The following LXN variants were observed in gnomAD, a reference collection of about 807,000 sequenced individuals.
LXN encodes MUM.
In LXN, 28 loss-of-function variants were observed where a neutral mutation model predicts 29.8. The observed-to-expected ratio is 0.94, with a 90% confidence interval of 0.70 to 1.29. LXN has a LOEUF of 1.29. LXN is among the 50% of genes most tolerant of loss of function. The probability of loss-of-function intolerance (pLI) is 0.00; values close to 1 mark genes in which losing one functional copy is unlikely to be tolerated. For missense variants in LXN, 227 were observed against 261.7 expected, an observed-to-expected ratio of 0.87 and a Z score of 0.92; for synonymous variants, 77 against 89.6, an observed-to-expected ratio of 0.86 and a Z score of 0.80.
chr3:158,666,968 T>C (rs1057446374), intron 5 of LXN, 44 bp downstream of exon 5: 5 of 1,570,544 alleles, frequency 3.2e-6, no homozygotes, highest in Non-Finnish European at 3.4e-6. Flanking sequence ...ACAAGGAGTC[T>C]CAGTTTTCAG....
At chr3:158,667,944 C>T (rs1723872255) in intron 4 of LXN, among the ~76,000 whole-genome samples, 1 of 152,146 alleles carries the variant, frequency 6.6e-6, no homozygotes, top group Non-Finnish European at 1.5e-5. Context: ...GTAATTTGAA[C>T]ACAAAACTTA....
intron 2 of LXN, among the ~76,000 whole-genome samples, chr3:158,670,237 T>G (rs989821874): frequency 3.9e-5 from 6 of 152,226 alleles, no homozygotes; most frequent in African/African-American, 9.6e-5. Context: ...TGTATAATCT[T>G]TAAAATTTCC....
rs866535647 is a variant in LXN, at chr3:158,672,589, C to G, written c.-111G>C. The stretch of plus-strand genomic sequence containing the variant: ...GGTCCGGTTGCCGAGGCGGAAAAGT[C>G]GCAAGCTCCTTCAGTCAGTCTTCTT... On this transcript the variant is annotated 5_prime_UTR_variant, in exon 1 of 6. Coordinates refer to ENST00000264265, the MANE Select transcript of LXN (RefSeq NM_020169.4). The G allele has an allele frequency of 1.1e-4, 147 of 1,347,060 alleles. No homozygotes were observed. Among genetic ancestry groups the G allele is most frequent in the Middle Eastern group, 9.1e-4 (4 of 4,390 alleles). The allele number at this position is 1,347,060 out of a possible 1,614,324, so 83.4% of individuals were successfully genotyped here. A position where few individuals can be genotyped will look rare whatever the true frequency, so the allele number is the denominator to read the frequency against.
Position 158,670,943 on chromosome 3 carries a change from G to T in LXN, c.192+14C>A, listed in dbSNP as rs201856097. On this transcript the variant is annotated intron_variant, in intron 2 of 5. Coordinates refer to ENST00000264265, the MANE Select transcript of LXN (RefSeq NM_020169.4). ...GTGAGACCCTGTCTCAAAGAAAAAA[G>T]AAATTTAACTTACTTTTTGTATAAT... The T allele has an allele frequency of 7.9e-4, 1,207 of 1,532,050 alleles. 1 individual carries two copies. Among genetic ancestry groups the T allele is most frequent in the Non-Finnish European group, 1.0e-3 (1,139 of 1,140,772 alleles). 94.9% of individuals were successfully genotyped at this position (1,532,050 alleles called of 1,614,324 possible).
chr3:158,668,998 C>G lies in LXN; in HGVS notation c.505G>C (p.Val169Leu). 1 of 1,609,394 alleles carries G rather than the reference C, an allele frequency of 6.2e-7. No individual in the cohort carries two copies. The highest frequency in any genetic ancestry group is 8.5e-7 in the Non-Finnish European group (1 of 1,177,724). Reference sequence around the variant, plus strand: ...TGTATTTTATAGAAACTACTTACCACTTGCTTGACAGTTTGAATTTTTACC... The same window carrying G: ...TGTATTTTATAGAAACTACTTACCAGTTGCTTGACAGTTTGAATTTTTACC... Reference protein sequence around the residue: ...KMVKIQTVKQVQRNDDFIELD... With the variant: ...KMVKIQTVKQLQRNDDFIELD... Residue 169 changes from valine (V) to leucine (L), a missense_variant and splice_region_variant, in exon 4 of 6, where the codon GTG becomes CTG. Val to Leu is a conservative substitution (Grantham distance 32, BLOSUM62 1). Transcript: ENST00000264265.
rs745605020 is a variant in LXN, at chr3:158,666,556, T to C, written c.*90A>G. 1.6e-6 allele frequency: 2 copies of C among 1,249,192 alleles called. No individual in the cohort carries two copies. Among genetic ancestry groups the C allele is most frequent in the South Asian group, 2.4e-5 (2 of 81,772 alleles). 77.4% of individuals were successfully genotyped at this position (1,249,192 alleles called of 1,614,324 possible). On this transcript the variant is annotated 3_prime_UTR_variant, in exon 6 of 6. Coordinates refer to ENST00000264265, the MANE Select transcript of LXN (RefSeq NM_020169.4). Reference sequence around the variant, plus strand: ...AAGACATTTATATAAAGTGACACTTTGGGATTATTTGGCCTCATAAGCTAG... The same window carrying C: ...AAGACATTTATATAAAGTGACACTTCGGGATTATTTGGCCTCATAAGCTAG...
chr3:158,668,995 C>A lies in LXN; in HGVS notation c.507+1G>T, dbSNP rs768523167. 2.5e-6 allele frequency: 4 copies of A among 1,607,318 alleles called. No individual in the cohort carries two copies. In the South Asian group the frequency reaches 3.3e-5, roughly 13 times the overall value. On this transcript the variant is annotated splice_donor_variant, in intron 4 of 5. Transcript: ENST00000264265. LOFTEE classifies it high-confidence loss of function. Reference sequence around the variant, plus strand: ...TAGTGTATTTTATAGAAACTACTTACCACTTGCTTGACAGTTTGAATTTTT... The same window carrying A: ...TAGTGTATTTTATAGAAACTACTTAACACTTGCTTGACAGTTTGAATTTTT...
intron 4 of LXN, among the ~76,000 whole-genome samples, chr3:158,668,339 A>G (rs939381791): frequency 3.9e-5 from 6 of 152,192 alleles, no homozygotes; most frequent in Non-Finnish European, 8.8e-5. Flanking sequence ...TCATGACGAG[A>G]AAAAAATCTG....
intron 2 of LXN, among the ~76,000 whole-genome samples, chr3:158,669,961 T>C (rs1724117731): frequency 6.6e-6 from 1 of 152,244 alleles, no homozygotes; most frequent in South Asian, 2.1e-4. Flanking sequence ...TTTAAAGTTT[T>C]TCCATTACTC....
chr3:158,669,511 T>C lies in LXN; in HGVS notation c.292A>G (p.Asn98Asp). Reference sequence around the variant, plus strand: ...AATGTGTTGTCTTCTTCATCTGGATTCTTTCCAGTTTCTCCTTCAAATGTG... The same window carrying C: ...AATGTGTTGTCTTCTTCATCTGGATCCTTTCCAGTTTCTCCTTCAAATGTG... The part of the protein sequence containing the change: ...NFTFEGETGK[N>D]PDEEDNTFYQ... Residue 98 changes from asparagine to aspartate, a missense_variant, in exon 3 of 6, where the codon AAT becomes GAT. Asn to Asp is a conservative substitution (Grantham distance 23). Coordinates refer to ENST00000264265, the MANE Select transcript of LXN (RefSeq NM_020169.4). 1 of 1,613,988 alleles carries C rather than the reference T, an allele frequency of 6.2e-7. No homozygotes were observed. Among genetic ancestry groups the C allele is most frequent in the Non-Finnish European group, 8.5e-7 (1 of 1,179,888 alleles).
chr3:158,669,349 G>T, intron 3 of LXN, 84 bp downstream of exon 3: 1 of 1,362,580 alleles, frequency 7.3e-7, no homozygotes. Context: ...AACATACTTA[G>T]CAACTAACAA....
chr3:158,666,459 T>A lies in LXN; in HGVS notation c.*187A>T. 1 of 1,300,904 alleles carries A rather than the reference T, an allele frequency of 7.7e-7. No individual in the cohort carries two copies. The highest frequency in any genetic ancestry group is 1.1e-6 in the Non-Finnish European group (1 of 897,382). The allele number at this position is 1,300,904 out of a possible 1,614,324, so 80.6% of individuals were successfully genotyped here. On this transcript the variant is annotated 3_prime_UTR_variant, in exon 6 of 6. Coordinates refer to ENST00000264265, the MANE Select transcript of LXN (RefSeq NM_020169.4). ...TTTATTTTGGATATACATACCACTA[T>A]TACTGTTTTAAAGACATTTTTATGT...
In LXN at chr3:158,666,769, A is replaced by G. The variant is rs752579879; in HGVS notation, c.571-25T>C. ...CCTGCAAGTGAAGAAAATTAATGCC[A>G]TGATAAAATTCAGAAAACATTTAGG... On this transcript the variant is annotated intron_variant, in intron 5 of 5. Coordinates refer to ENST00000264265, the MANE Select transcript of LXN (RefSeq NM_020169.4). 1.4e-5 allele frequency: 22 copies of G among 1,589,914 alleles called. No individual in the cohort carries two copies. The Admixed American group carries it at 2.0e-4, about 15-fold the overall frequency.
chr3:158,671,157 A>G, intron 1 of LXN, 138 bp from the exon 2 acceptor site: 5 of 1,190,592 alleles, frequency 4.2e-6, no homozygotes, highest in Non-Finnish European at 4.3e-6. Flanking sequence ...TGAAAAAGGC[A>G]TGTCACCATG....
Position 158,672,495 on chromosome 3 carries a change from C to T in LXN, c.-17G>A. 1.2e-6 allele frequency: 2 copies of T among 1,613,548 alleles called. No homozygotes were observed. The highest frequency in any genetic ancestry group is 1.3e-5 in the African/African-American group (1 of 75,046). ...GATTTCCATTCCGGATGAGCAGTGA[C>T]TTCAGGGCTTGGGCTACTCTGGCTT... On this transcript the variant is annotated 5_prime_UTR_variant, in exon 1 of 6. Transcript: ENST00000264265.
At position 158,671,033 on chromosome 3, in the gene LXN, A is replaced by C. The variant is rs1428017032; in HGVS notation, c.130-14T>G. 1 of 1,512,122 alleles carries C rather than the reference A, an allele frequency of 6.6e-7. No homozygotes were observed. Among genetic ancestry groups the C allele is most frequent in the South Asian group, 1.3e-5 (1 of 77,028 alleles). The allele number at this position is 1,512,122 out of a possible 1,614,324, so 93.7% of individuals were successfully genotyped here. ...TCCTGGAATATCCTAAAATTAAGAA[A>C]ATGTAGTGGAGACAAGAAAATATTA... On this transcript the variant is annotated splice_polypyrimidine_tract_variant and intron_variant, in intron 1 of 5. Coordinates refer to ENST00000264265, the MANE Select transcript of LXN (RefSeq NM_020169.4).
At chr3:158,668,947 T>C (rs2108060737) in intron 4 of LXN, 49 bp downstream of exon 4, 2 of 1,463,336 alleles carry the variant, frequency 1.4e-6, no homozygotes, top group East Asian at 4.6e-5. Flanking sequence ...TACAATACTT[T>C]CGATAAATAT....
intron 3 of LXN, 109 bp from the exon 4 acceptor site, chr3:158,669,241 ATAAT>A: frequency 5.4e-6 from 7 of 1,294,824 alleles, no homozygotes; most frequent in South Asian, 1.4e-5. Flanking sequence ...TGTGCAAAAA[ATAAT>A]TTAATTAAGC....
intron 2 of LXN, among the ~76,000 whole-genome samples, chr3:158,670,409 A>C (rs1207805988): frequency 6.6e-6 from 1 of 152,096 alleles, no homozygotes; most frequent in African/African-American, 2.4e-5. Context: ...AAATTACTTC[A>C]CTCATTTATA....
Sources: allele counts gnomAD v4.1 joint callset (sites outside exome capture counted in the v4.1 genomes callset), GRCh38; gene constraint gnomAD v4.1.1; transcripts MANE v1.5; gene names NCBI Gene and HGNC (gene_info 2026-07-23, HGNC 2026-07-21).